Variants in ARID5B observed in about 807,000 individuals in gnomAD.
The protein encoded by ARID5B is AT-rich interactive domain-containing protein 5B.
In ARID5B, 13 loss-of-function variants were observed where a neutral mutation model predicts 97.2. That is an observed-to-expected ratio of 0.13 (90% CI 0.09 to 0.21). The LOEUF is 0.21. Ranked by LOEUF, ARID5B falls within the 10% of genes least tolerant of loss-of-function variation. The pLI is 1.00. For missense variants in ARID5B, 1,210 were observed against 1,465.3 expected (o/e 0.83, Z 2.84); for synonymous variants, 556 against 570.3 (o/e 0.97, Z 0.36).
chr10:61,945,430 T>C (rs1844483767), intron 3 of ARID5B, among the ~76,000 whole-genome samples: 1 of 152,206 alleles, frequency 6.6e-6, no homozygotes, highest in Non-Finnish European at 1.5e-5. Context: ...GAAATATTAT[T>C]ATACAGCTCT....
At chr10:61,997,130 T>G (rs1427426940) in intron 3 of ARID5B, among the ~76,000 whole-genome samples, 1 of 152,010 alleles carries the variant, frequency 6.6e-6, no homozygotes, top group East Asian at 1.9e-4. Context: ...AGCAACACTG[T>G]CTCCAGGATG....
At position 62,093,100 on chromosome 10, in the gene ARID5B, C is replaced by A. The variant is rs527815399; in HGVS notation, c.*70C>A. The A allele has an allele frequency of 1.6e-4, 250 of 1,521,344 alleles. No homozygotes were observed. Among genetic ancestry groups the A allele is most frequent in the South Asian group, 6.6e-4 (51 of 76,870 alleles). The allele number at this position is 1,521,344 out of a possible 1,614,324, so 94.2% of individuals were successfully genotyped here. A position where few individuals can be genotyped will look rare whatever the true frequency, so the allele number is the denominator to read the frequency against. ...TTCACTCCTTACCCAGGAGTGCTGG[C>A]TTATAGAGTTAGAAGTCAGTATTTC... On this transcript the variant is annotated 3_prime_UTR_variant, in exon 10 of 10. Coordinates refer to ENST00000279873, the MANE Select transcript of ARID5B (RefSeq NM_032199.3).
intron 3 of ARID5B, among the ~76,000 whole-genome samples, chr10:61,998,082 A>G (rs1839025975): frequency 6.6e-6 from 1 of 152,194 alleles, no homozygotes; most frequent in Non-Finnish European, 1.5e-5. Context: ...AGACGTGTAC[A>G]CTGTTAAAAG....
intron 2 of ARID5B, among the ~76,000 whole-genome samples, chr10:61,934,604 T>G (rs1367244200): frequency 2.0e-5 from 3 of 152,118 alleles, no homozygotes; most frequent in East Asian, 1.9e-4. Flanking sequence ...GGAGATAGAC[T>G]GGGGAAAAAG....
At chr10:62,078,024 C>T (rs754004571) in intron 8 of ARID5B, among the ~76,000 whole-genome samples, 16 of 152,206 alleles carry the variant, frequency 1.1e-4, no homozygotes, top group Non-Finnish European at 2.4e-4. Flanking sequence ...GTGTAAGTTA[C>T]TACAAAGTTT....
rs115515853 is a variant in ARID5B at position 62,089,994 on chromosome 10, A to G, written c.1399-868A>G. Among the ~76,000 whole-genome samples the G allele has an allele frequency of 4.4e-3, 667 of 152,346 alleles. 8 individuals are homozygous for G. The highest frequency in any genetic ancestry group is 0.015 in the African/African-American group (617 of 41,582). ...GATGGAAAGTTAAAATGACCTCCTAAGGTCAAAGTTTATATGGCTGCATAA... is the reference window on the plus strand; with the variant it reads ...GATGGAAAGTTAAAATGACCTCCTAGGGTCAAAGTTTATATGGCTGCATAA... On this transcript the variant is annotated intron_variant, in intron 9 of 9. Transcript: ENST00000279873.
intron 3 of ARID5B, among the ~76,000 whole-genome samples, chr10:61,946,693 C>T (rs138720839): frequency 3.9e-5 from 6 of 152,258 alleles, no homozygotes; most frequent in African/African-American, 1.2e-4. Context: ...GAGGCCAAGG[C>T]GGGTGGATCA....
At chr10:62,066,646 G>A (rs983138020) in intron 7 of ARID5B, among the ~76,000 whole-genome samples, 5 of 152,116 alleles carry the variant, frequency 3.3e-5, no homozygotes, top group Non-Finnish European at 5.9e-5. Flanking sequence ...TGTGGCTACC[G>A]TTTCAAACCT....
intron 3 of ARID5B, among the ~76,000 whole-genome samples, chr10:61,986,711 T>C (rs1459003836): frequency 6.6e-6 from 1 of 152,210 alleles, no homozygotes; most frequent in East Asian, 1.9e-4. Flanking sequence ...GTGGTGCCCC[T>C]TTTCCACATA....
chr10:61,958,450 T>G (rs1455470364), intron 3 of ARID5B, among the ~76,000 whole-genome samples: 1 of 151,514 alleles, frequency 6.6e-6, no homozygotes, highest in Admixed American at 6.6e-5. Flanking sequence ...CTGGTCTAGA[T>G]CTCCTGACCT....
At chr10:62,036,016 G>T (rs141429397) in intron 4 of ARID5B, among the ~76,000 whole-genome samples, 2,652 of 152,062 alleles carry the variant, frequency 0.017, 27 homozygotes, top group Non-Finnish European at 0.025. Context: ...GTAGAGACGC[G>T]GTTTCACTGT....
chr10:61,940,970 T>A, intron 3 of ARID5B, among the ~76,000 whole-genome samples: 2 of 57,712 alleles, frequency 3.5e-5, no homozygotes, highest in African/African-American at 1.6e-4. Flanking sequence ...TATATATTTT[T>A]TTTTTTTTTT....
At chr10:61,985,926 G>A (rs1271964138) in intron 3 of ARID5B, among the ~76,000 whole-genome samples, 2 of 151,996 alleles carry the variant, frequency 1.3e-5, no homozygotes, top group African/African-American at 4.8e-5. Flanking sequence ...TTCCAAATAA[G>A]GCAACACCAA....
intron 8 of ARID5B, among the ~76,000 whole-genome samples, chr10:62,078,789 C>T (rs923879022): frequency 6.6e-6 from 1 of 152,132 alleles, no homozygotes; most frequent in Non-Finnish European, 1.5e-5. Flanking sequence ...ATAGAAAGCC[C>T]CAAAGGAGCT....
intron 4 of ARID5B, among the ~76,000 whole-genome samples, chr10:62,033,394 G>C (rs1447083412): frequency 6.6e-6 from 1 of 152,164 alleles, no homozygotes; most frequent in Non-Finnish European, 1.5e-5. Context: ...CTGAAACACA[G>C]AATCAATTAT....
chr10:61,942,435 G>A (rs900129375), intron 3 of ARID5B, among the ~76,000 whole-genome samples: 2 of 152,172 alleles, frequency 1.3e-5, no homozygotes, highest in Non-Finnish European at 1.5e-5. Context: ...TGATTACTGA[G>A]ACCAGCTTTT....
intron 4 of ARID5B, among the ~76,000 whole-genome samples, chr10:62,015,156 A>G (rs1207395126): frequency 6.6e-6 from 1 of 152,242 alleles, no homozygotes; most frequent in African/African-American, 2.4e-5. Context: ...TTCCTAAGAG[A>G]TAACCACTTA....
chr10:62,006,332 C>T (rs1250756984), intron 4 of ARID5B, among the ~76,000 whole-genome samples: 4 of 152,146 alleles, frequency 2.6e-5, no homozygotes, highest in Admixed American at 6.5e-5. Context: ...GTCCCATCTA[C>T]TCGGGAGGCT....
intron 2 of ARID5B, among the ~76,000 whole-genome samples, chr10:61,913,045 T>C (rs1843836762): frequency 6.6e-6 from 1 of 152,244 alleles, no homozygotes; most frequent in African/African-American, 2.4e-5. Flanking sequence ...CTGAATGTGA[T>C]AGGCTCAGGT....
Sources: allele counts gnomAD v4.1 joint callset (sites outside exome capture counted in the v4.1 genomes callset), GRCh38; gene constraint gnomAD v4.1.1; transcripts MANE v1.5; gene names NCBI Gene and HGNC (gene_info 2026-07-23, HGNC 2026-07-21).